MARK1: variants seen among roughly 807,000 people sequenced by gnomAD.
The protein encoded by MARK1 is serine/threonine-protein kinase MARK1.
MARK1 carries 40 observed loss-of-function variants against 96.3 expected under a neutral mutation model. The ratio of observed to expected loss-of-function variants is 0.42; its 90% CI spans 0.32 to 0.54. The LOEUF (loss-of-function observed/expected upper bound fraction) is 0.54. Ranked by LOEUF, MARK1 falls within the 20% of genes least tolerant of loss-of-function variation. MARK1 has a pLI of 0.16. For synonymous variants in MARK1, 317 were observed against 341.2 expected, an observed-to-expected ratio of 0.93 and a Z score of 0.78; for missense variants, 719 against 984.6, an observed-to-expected ratio of 0.73 and a Z score of 3.61.
At chr1:220,613,591 C>T (rs922705497) in intron 6 of MARK1, among the ~76,000 whole-genome samples, 46 of 151,818 alleles carry the variant, frequency 3.0e-4, no homozygotes, top group East Asian at 1.9e-4. Context: ...ACTCATGATA[C>T]GAAATAATCT....
chr1:220,611,364 C>T (rs1356762076), intron 6 of MARK1, among the ~76,000 whole-genome samples: 1 of 152,216 alleles, frequency 6.6e-6, no homozygotes. Context: ...GCTCCGTGGG[C>T]GTAGGACCCG....
intron 1 of MARK1, among the ~76,000 whole-genome samples, chr1:220,571,143 A>G (rs1035988464): frequency 1.3e-5 from 2 of 152,204 alleles, no homozygotes; most frequent in Admixed American, 1.3e-4. Flanking sequence ...AAAGAACCAG[A>G]TAAAATAATT....
chr1:220,595,514 TA>T (rs1357028765), intron 3 of MARK1, among the ~76,000 whole-genome samples: 11 of 152,150 alleles, frequency 7.2e-5, no homozygotes, highest in African/African-American at 2.7e-4. Context: ...AAGGGGCCAT[TA>T]GGACTGTGGA....
intron 1 of MARK1, among the ~76,000 whole-genome samples, chr1:220,573,958 C>T (rs1007985625): frequency 1.3e-5 from 2 of 152,000 alleles, no homozygotes; most frequent in Non-Finnish European, 2.9e-5. Flanking sequence ...CTTGTTCTTT[C>T]TGGCCATATT....
chr1:220,547,390 T>C (rs1437665213), intron 1 of MARK1, among the ~76,000 whole-genome samples: 1 of 152,176 alleles, frequency 6.6e-6, no homozygotes, highest in Admixed American at 6.5e-5. Context: ...ACCAGGTTGG[T>C]TGATCACTTC....
intron 13 of MARK1, among the ~76,000 whole-genome samples, chr1:220,645,100 A>G (rs1668506681): frequency 6.6e-6 from 1 of 152,200 alleles, no homozygotes; most frequent in Non-Finnish European, 1.5e-5. Context: ...AGATAGAGAC[A>G]TGAAAAACTC....
chr1:220,618,619 C>T lies in MARK1; in HGVS notation c.790-17C>T, dbSNP rs747959361. 5 of 1,613,318 alleles carry T rather than the reference C, an allele frequency of 3.1e-6. No individual in the cohort carries two copies. In the African/African-American group the frequency reaches 6.7e-5, roughly 22 times the overall value. On this transcript the variant is annotated splice_polypyrimidine_tract_variant and intron_variant, in intron 8 of 17. Transcript: ENST00000366917. This position sits in a 1 kb window ranked among gnomAD's most constrained non-coding sequence, Gnocchi z 4.6. ...GTCAAAAACCAGTTATAAGTGCTTT[C>T]TTTCACTTTTATTAAGGAACTGCGA...
chr1:220,549,524 A>G (rs2102737927), intron 1 of MARK1, among the ~76,000 whole-genome samples: 1 of 152,306 alleles, frequency 6.6e-6, no homozygotes, highest in African/African-American at 2.4e-5. Context: ...TTTTTATACC[A>G]AGAAAAAGTA....
At chr1:220,537,514 T>C (rs1205363560) in intron 1 of MARK1, among the ~76,000 whole-genome samples, 1 of 150,486 alleles carries the variant, frequency 6.6e-6, no homozygotes, top group Non-Finnish European at 1.5e-5. Context: ...TGGTTCCAAG[T>C]CTTTGCTGTT....
At chr1:220,551,835 C>G (rs1661884453) in intron 1 of MARK1, among the ~76,000 whole-genome samples, 1 of 152,186 alleles carries the variant, frequency 6.6e-6, no homozygotes, top group African/African-American at 2.4e-5. Flanking sequence ...TTACCTCCTT[C>G]AACTACTGAT....
chr1:220,539,515 C>T (rs905805081), intron 1 of MARK1, among the ~76,000 whole-genome samples: 9 of 152,016 alleles, frequency 5.9e-5, no homozygotes, highest in East Asian at 1.9e-4. Flanking sequence ...TTTTTATATA[C>T]GGTCTTTTTT....
intron 11 of MARK1, 82 bp from the exon 12 acceptor site, chr1:220,635,294 A>C: frequency 7.7e-7 from 1 of 1,297,116 alleles, no homozygotes; most frequent in Non-Finnish European, 1.0e-6. Flanking sequence ...TAAGTCATTT[A>C]GAAAATCAAG....
chr1:220,601,524 A>G (rs1269460132), intron 5 of MARK1, among the ~76,000 whole-genome samples: 2 of 152,084 alleles, frequency 1.3e-5, no homozygotes, highest in Non-Finnish European at 2.9e-5. Context: ...CTTCAGTTAG[A>G]TTGCTATAAT....
At chr1:220,615,208 A>AAC (rs1649457234) in intron 6 of MARK1, among the ~76,000 whole-genome samples, 1 of 152,144 alleles carries the variant, frequency 6.6e-6, no homozygotes, top group Non-Finnish European at 1.5e-5. Context: ...TTTGGCCTTT[A>AAC]AACTGTTGGG....
Position 220,581,053 on chromosome 1 carries a change from C to T in MARK1, c.256-12C>T, listed in dbSNP as rs1367180011. On this transcript the variant is annotated splice_polypyrimidine_tract_variant and intron_variant, in intron 2 of 17. Coordinates refer to ENST00000366917, the MANE Select transcript of MARK1 (RefSeq NM_018650.5). ...ATTTTTCAAATAGAGTTTAATGATT[C>T]TTCTTTTTTAGGTTGCTGTGAAAAT... is the stretch of plus-strand genomic sequence containing the variant. 2.5e-6 allele frequency: 3 copies of T among 1,217,604 alleles called. No homozygotes were observed. The highest frequency in any genetic ancestry group is 3.3e-6 in the Non-Finnish European group (3 of 912,926). 75.4% of individuals were successfully genotyped at this position (1,217,604 alleles called of 1,614,324 possible).
intron 1 of MARK1, among the ~76,000 whole-genome samples, chr1:220,538,549 T>C (rs1164763439): frequency 6.6e-6 from 1 of 152,216 alleles, no homozygotes; most frequent in Non-Finnish European, 1.5e-5. Flanking sequence ...GACTTGGCGA[T>C]GTGGGCTCTT....
At chr1:220,561,096 A>C (rs1159904626) in intron 1 of MARK1, among the ~76,000 whole-genome samples, 1 of 149,200 alleles carries the variant, frequency 6.7e-6, no homozygotes, top group Admixed American at 6.8e-5. Flanking sequence ...AAGGACCCTG[A>C]CATATAACCT....
intron 1 of MARK1, among the ~76,000 whole-genome samples, chr1:220,553,647 T>G (rs894366891): frequency 6.6e-6 from 1 of 152,228 alleles, no homozygotes; most frequent in Non-Finnish European, 1.5e-5. Context: ...CAGCTCATAA[T>G]GGGAAGCTTA....
At chr1:220,550,277 T>G (rs1661771103) in intron 1 of MARK1, among the ~76,000 whole-genome samples, 1 of 152,248 alleles carries the variant, frequency 6.6e-6, no homozygotes, top group Non-Finnish European at 1.5e-5. Flanking sequence ...TTGTCTTTTC[T>G]GAATCATAAT....
Sources: gnomAD v4.1 joint callset for allele counts (sites outside exome capture counted in the v4.1 genomes callset) on GRCh38, gnomAD v4.1.1 for gene constraint, Gnocchi (gnomAD v3.1) non-coding constraint, MANE v1.5 for transcripts, NCBI Gene and HGNC (gene_info 2026-07-23, HGNC 2026-07-21) for gene names.